The following ANO3 variants were observed in gnomAD, a reference collection of about 807,000 sequenced individuals.
The protein encoded by ANO3 is anoctamin 3.
In ANO3, 99 loss-of-function variants were observed where a neutral mutation model predicts 144.8. That is an observed-to-expected ratio of 0.68 (90% CI 0.58 to 0.81). The LOEUF (loss-of-function observed/expected upper bound fraction) is 0.81. Among genes scored for constraint, ANO3 ranks in the 30% least tolerant of loss-of-function variants. The pLI is 0.00. For missense variants in ANO3, 905 were observed against 1,202.2 expected, an observed-to-expected ratio of 0.75 and a Z score of 3.66; for synonymous variants, 414 against 392.6, an observed-to-expected ratio of 1.05 and a Z score of -0.64.
intron 1 of ANO3, among the ~76,000 whole-genome samples, chr11:26,202,685 G>T (rs72887688): frequency 0.043 from 6,544 of 151,762 alleles, 199 homozygotes; most frequent in Middle Eastern, 0.065. Flanking sequence ...GGAATGTCAT[G>T]GTCAACCACA....
intron 1 of ANO3, among the ~76,000 whole-genome samples, chr11:26,364,963 A>G (rs1218881514): frequency 6.6e-6 from 1 of 152,208 alleles, no homozygotes; most frequent in Non-Finnish European, 1.5e-5. Flanking sequence ...CCCAAGTCCA[A>G]AGTCTCACCT....
chr11:26,443,943 G>T, intron 3 of ANO3, 107 bp downstream of exon 3: 1 of 673,524 alleles, frequency 1.5e-6, no homozygotes, highest in Non-Finnish European at 2.5e-6. Context: ...GTTCATGTTT[G>T]GTTTTTAACG....
chr11:26,283,366 A>G (rs927063410), intron 1 of ANO3, among the ~76,000 whole-genome samples: 17 of 117,622 alleles, frequency 1.4e-4, no homozygotes, highest in South Asian at 5.8e-4. Context: ...ATATATATAT[A>G]GCGAGCATTT....
chr11:26,450,079 A>G (rs149614005), intron 3 of ANO3, among the ~76,000 whole-genome samples: 336 of 152,226 alleles, frequency 2.2e-3, no homozygotes, highest in African/African-American at 7.6e-3. Context: ...TCTAACATCA[A>G]TCTTACTGAA....
intron 1 of ANO3, among the ~76,000 whole-genome samples, chr11:26,189,945 C>T (rs905657142): frequency 6.6e-6 from 1 of 152,228 alleles, no homozygotes; most frequent in East Asian, 1.9e-4. Flanking sequence ...CAATACTATA[C>T]ACTAATAGTT....
At chr11:26,623,500 T>A (rs1311624670) in intron 17 of ANO3, among the ~76,000 whole-genome samples, 1 of 152,150 alleles carries the variant, frequency 6.6e-6, no homozygotes, top group Non-Finnish European at 1.5e-5. Flanking sequence ...TGAGTCTATG[T>A]AAATATTGGT....
rs184700969 is a variant in ANO3 at position 26,225,773 on chromosome 11, C to A, written c.154+36443C>A. ...GGCCTAGTACTTTTCAAACATTTTT[C>A]TTCTCTAAGCACAAACTTCTGGAGT... On this transcript the variant is annotated intron_variant, in intron 1 of 27. Coordinates refer to the ANO3 transcript ENST00000672621. 3.3e-5 allele frequency among the ~76,000 whole-genome samples: 5 copies of A among 152,166 alleles called. No individual in the cohort carries two copies. The South Asian group carries it at 1.0e-3, about 32-fold the overall frequency.
chr11:26,636,031 T>G (rs1156386147), intron 20 of ANO3, among the ~76,000 whole-genome samples: 5 of 152,064 alleles, frequency 3.3e-5, no homozygotes, highest in African/African-American at 1.2e-4. Context: ...GACCCTGTCT[T>G]TATTTAAAAA....
intron 1 of ANO3, among the ~76,000 whole-genome samples, chr11:26,348,263 C>A (rs544593743): frequency 6.6e-6 from 1 of 152,270 alleles, no homozygotes; most frequent in East Asian, 1.9e-4. Context: ...TAACTTATAA[C>A]CACAACAGTA....
chr11:26,606,200 T>A (rs539393049), intron 17 of ANO3, among the ~76,000 whole-genome samples: 1 of 152,096 alleles, frequency 6.6e-6, no homozygotes, highest in African/African-American at 2.4e-5. Flanking sequence ...ATTTACCCAA[T>A]AATCATTCAG....
intron 4 of ANO3, among the ~76,000 whole-genome samples, chr11:26,493,176 A>G (rs1266147961): frequency 6.6e-6 from 1 of 152,192 alleles, no homozygotes; most frequent in African/African-American, 2.4e-5. Context: ...TAAGTTATAT[A>G]TGCCTCTTGT....
intron 1 of ANO3, among the ~76,000 whole-genome samples, chr11:26,226,933 T>C (rs1326154922): frequency 6.6e-6 from 1 of 152,130 alleles, no homozygotes; most frequent in East Asian, 1.9e-4. Context: ...CATTAGATAA[T>C]ATCCTCATTT....
At chr11:26,290,027 A>C (rs930517388) in intron 1 of ANO3, among the ~76,000 whole-genome samples, 1 of 151,996 alleles carries the variant, frequency 6.6e-6, no homozygotes, top group Non-Finnish European at 1.5e-5. Flanking sequence ...TCAGCTGCGA[A>C]TCCATCTGGT....
At chr11:26,289,763 A>T (rs545797289) in intron 1 of ANO3, among the ~76,000 whole-genome samples, 15 of 147,090 alleles carry the variant, frequency 1.0e-4, no homozygotes, top group African/African-American at 3.8e-4. Context: ...ATGTGTATAT[A>T]TATGTATACA....
intron 3 of ANO3, among the ~76,000 whole-genome samples, chr11:26,461,356 T>C (rs1859388965): frequency 6.6e-6 from 1 of 152,076 alleles, no homozygotes; most frequent in Admixed American, 6.6e-5. Context: ...CTTCCTCCAG[T>C]TTACCTGTGT....
At chr11:26,278,550 A>T (rs1158436745) in intron 1 of ANO3, among the ~76,000 whole-genome samples, 1 of 152,060 alleles carries the variant, frequency 6.6e-6, no homozygotes, top group Non-Finnish European at 1.5e-5. Flanking sequence ...ACGTAGGCTC[A>T]AGCTGGGAGC....
At chr11:26,529,571 G>T (rs1849313119) in intron 7 of ANO3, among the ~76,000 whole-genome samples, 1 of 144,586 alleles carries the variant, frequency 6.9e-6, no homozygotes, top group Non-Finnish European at 1.5e-5. Flanking sequence ...AGTTCAAGCA[G>T]AGTTGGCCAA....
intron 1 of ANO3, among the ~76,000 whole-genome samples, chr11:26,279,992 C>G (rs1421526516): frequency 6.6e-6 from 1 of 152,136 alleles, no homozygotes; most frequent in East Asian, 1.9e-4. Context: ...ACTGATGATG[C>G]TTGTGAGTTT....
chr11:26,192,138 G>T (rs1252137702), intron 1 of ANO3, among the ~76,000 whole-genome samples: 1 of 152,100 alleles, frequency 6.6e-6, no homozygotes, highest in Non-Finnish European at 1.5e-5. Context: ...CACACAATTT[G>T]CCGCCTGATA....
Sources: gnomAD v4.1 joint callset for allele counts (sites outside exome capture counted in the v4.1 genomes callset) on GRCh38, gnomAD v4.1.1 for gene constraint, MANE v1.5 for transcripts, NCBI Gene and HGNC (gene_info 2026-07-23, HGNC 2026-07-21) for gene names.